The following USP10 variants were observed in gnomAD, a reference collection of about 807,000 sequenced individuals.
USP10 encodes the protein ubiquitin carboxyl-terminal hydrolase 10.
A neutral mutation model predicts 84.5 loss-of-function variants in USP10; 22 were observed. The ratio of observed to expected loss-of-function variants is 0.26; its 90% confidence interval spans 0.19 to 0.37. The LOEUF (loss-of-function observed/expected upper bound fraction) is 0.37, where lower values mean the gene tolerates loss of function less well. USP10 is among the 10% of genes least tolerant of loss of function. The pLI is 1.00. For missense variants in USP10, 1,019 were observed against 998.9 expected (o/e 1.02, Z -0.27); for synonymous variants, 454 against 387.6 (o/e 1.17, Z -2.01).
At chr16:84,731,007 ATC>A (rs1466675759) in intron 1 of USP10, among the ~76,000 whole-genome samples, 4 of 130,986 alleles carry the variant, frequency 3.1e-5, no homozygotes, top group Non-Finnish European at 4.7e-5. Flanking sequence ...TTGACACGGA[ATC>A]TCTCTCTGTC....
intron 4 of USP10, among the ~76,000 whole-genome samples, chr16:84,757,229 C>T (rs1912649589): frequency 1.3e-5 from 2 of 152,112 alleles, no homozygotes; most frequent in African/African-American, 4.8e-5. Flanking sequence ...TTCGGTATTC[C>T]ATATTAAGAG....
chr16:84,705,565 A>T (rs1199107045), intron 1 of USP10, among the ~76,000 whole-genome samples: 1 of 151,876 alleles, frequency 6.6e-6, no homozygotes, highest in Non-Finnish European at 1.5e-5. Flanking sequence ...TTTTACATCT[A>T]GCTGACTCCT....
intron 12 of USP10, among the ~76,000 whole-genome samples, chr16:84,774,021 A>G (rs1914715876): frequency 6.6e-6 from 1 of 152,142 alleles, no homozygotes; most frequent in Non-Finnish European, 1.5e-5. Flanking sequence ...AGGCCGAGGC[A>G]GGCAGATCAC....
At chr16:84,765,254 C>T (rs1913722513) in intron 10 of USP10, among the ~76,000 whole-genome samples, 1 of 66,984 alleles carries the variant, frequency 1.5e-5, no homozygotes. Flanking sequence ...CACAGTTACC[C>T]TTGTGTGTGT....
In USP10 at chr16:84,758,817, C is replaced by T. The variant is rs200324193; in HGVS notation, c.1284+10C>T. 73 of 1,606,154 alleles carry T rather than the reference C, an allele frequency of 4.5e-5. No homozygotes were observed. The African/African-American group carries it at 8.5e-4, about 19-fold the overall frequency. ...GTGCTACATTAATGCTGTATCCTTC[C>T]TGGACGCCGTCCGCAAGGCCAGCTT... On this transcript the variant is annotated intron_variant, in intron 5 of 13. Coordinates refer to ENST00000219473, the MANE Select transcript of USP10 (RefSeq NM_005153.3).
chr16:84,764,960 C>T (rs2150859500), intron 10 of USP10, among the ~76,000 whole-genome samples: 1 of 112,116 alleles, frequency 8.9e-6, no homozygotes, highest in African/African-American at 3.6e-5. Flanking sequence ...ATATATTAGA[C>T]TTCATCTGCA....
intron 3 of USP10, among the ~76,000 whole-genome samples, chr16:84,740,923 A>G (rs1039855545): frequency 9.2e-5 from 14 of 152,372 alleles, no homozygotes; most frequent in African/African-American, 2.4e-4. Flanking sequence ...TGGAGATGCA[A>G]TGATTTTGTA....
At chr16:84,700,254 C>T in intron 1 of USP10, 143 bp downstream of exon 1, 6 of 642,360 alleles carry the variant, frequency 9.3e-6, no homozygotes, top group Non-Finnish European at 1.2e-5. Flanking sequence ...CGGGCCTAGG[C>T]CGGAGCCACC....
At chr16:84,733,544 C>T in intron 2 of USP10, 41 bp downstream of exon 2, 5 of 1,346,704 alleles carry the variant, frequency 3.7e-6, no homozygotes, top group Admixed American at 2.2e-5. Flanking sequence ...TGGGTAGATA[C>T]AATTAATAGT....
chr16:84,733,407 G>T (rs750371476), intron 1 of USP10, 28 bp from the exon 2 acceptor site: 4 of 1,513,236 alleles, frequency 2.6e-6, no homozygotes, highest in South Asian at 1.2e-5. Context: ...TATTTTATGT[G>T]ATCAGTGACT....
chr16:84,708,497 C>T (rs1356210484), intron 1 of USP10, among the ~76,000 whole-genome samples: 2 of 152,202 alleles, frequency 1.3e-5, no homozygotes, highest in South Asian at 2.1e-4. Flanking sequence ...TCTTGTCCAT[C>T]CATTGCCTTT....
rs1915345370 is a variant in USP10, at chr16:84,779,406, C to T, written c.*324C>T. On this transcript the variant is annotated 3_prime_UTR_variant, in exon 14 of 14. Coordinates refer to ENST00000219473, the MANE Select transcript of USP10 (RefSeq NM_005153.3). ...AGTCTCATTGCTTAGTAGAATAAAT[C>T]CTGCACCAGCAACAACACTTGTAAA... 5.2e-6 allele frequency: 1 copy of T among 191,382 alleles called. No individual in the cohort carries two copies. The highest frequency in any genetic ancestry group is 1.1e-5 in the Non-Finnish European group (1 of 94,062). 11.9% of individuals were successfully genotyped at this position (191,382 alleles called of 1,614,324 possible).
At chr16:84,721,711 G>GTTTT (rs1907834278) in intron 1 of USP10, among the ~76,000 whole-genome samples, 1 of 151,732 alleles carries the variant, frequency 6.6e-6, no homozygotes, top group African/African-American at 2.4e-5. Flanking sequence ...GTTTTGTTTT[G>GTTTT]TTTTAGAGAT....
intron 4 of USP10, among the ~76,000 whole-genome samples, chr16:84,756,461 T>C (rs1744859990): frequency 6.6e-6 from 1 of 151,994 alleles, no homozygotes; most frequent in Non-Finnish European, 1.5e-5. Flanking sequence ...GGCGTGGTGG[T>C]GCACGTCTGT....
At chr16:84,740,890 C>T (rs972076037) in intron 3 of USP10, among the ~76,000 whole-genome samples, 2 of 152,250 alleles carry the variant, frequency 1.3e-5, no homozygotes, top group Non-Finnish European at 2.9e-5. Context: ...AGGCACTAAG[C>T]TGATTGCCAG....
At chr16:84,752,682 G>A (rs62050882) in intron 4 of USP10, among the ~76,000 whole-genome samples, 25 of 152,246 alleles carry the variant, frequency 1.6e-4, no homozygotes, top group Middle Eastern at 6.8e-3. Flanking sequence ...AACATAATTC[G>A]GTCTGGTCTT....
chr16:84,743,016 C>T (rs992457075), intron 3 of USP10, among the ~76,000 whole-genome samples: 2 of 152,182 alleles, frequency 1.3e-5, no homozygotes, highest in African/African-American at 4.8e-5. Context: ...GGGCAGGCTC[C>T]ACATGGAGCC....
intron 1 of USP10, among the ~76,000 whole-genome samples, chr16:84,711,206 G>T (rs1301954720): frequency 1.3e-5 from 2 of 152,136 alleles, no homozygotes; most frequent in Non-Finnish European, 2.9e-5. Flanking sequence ...TACTTGCTCT[G>T]TGCCAGGGCC....
chr16:84,755,291 C>T (rs1022910884), intron 4 of USP10, among the ~76,000 whole-genome samples: 9 of 151,782 alleles, frequency 5.9e-5, no homozygotes, highest in South Asian at 2.1e-4. Flanking sequence ...CCTTCCGTAT[C>T]GTCAAGAAAA....
Sources: allele counts gnomAD v4.1 joint callset (sites outside exome capture counted in the v4.1 genomes callset), GRCh38; gene constraint gnomAD v4.1.1; transcripts MANE v1.5; gene names NCBI Gene and HGNC (gene_info 2026-07-23, HGNC 2026-07-21).